The following SLC24A2 variants were observed in gnomAD, a reference collection of about 807,000 sequenced individuals.
SLC24A2 encodes the protein solute carrier family 24 member 2, also known as sodium/potassium/calcium exchanger 2.
A neutral mutation model predicts 62.0 loss-of-function variants in SLC24A2; 36 were observed. The ratio of observed to expected loss-of-function variants is 0.58; its 90% CI spans 0.44 to 0.77. The LOEUF (loss-of-function observed/expected upper bound fraction) is 0.77, where lower values mean the gene tolerates loss of function less well. Among genes scored for constraint, SLC24A2 ranks in the 30% least tolerant of loss-of-function variants. The pLI, the probability that SLC24A2 is intolerant of heterozygous loss-of-function variation, is 0.00. For missense variants in SLC24A2, 846 were observed against 817.9 expected, an observed-to-expected ratio of 1.03 and a Z score of -0.42; for synonymous variants, 358 against 294.0, an observed-to-expected ratio of 1.22 and a Z score of -2.23.
the SLC24A2 span, among the ~76,000 whole-genome samples, chr9:20,206,518 C>T: frequency 6.6e-6 from 1 of 152,086 alleles, no homozygotes; most frequent in Non-Finnish European, 1.5e-5. Flanking sequence ...GAGATGGTGT[C>T]TCGCTCTGTC....
At chr9:19,865,050 G>GA in the SLC24A2 span, among the ~76,000 whole-genome samples, 1 of 151,798 alleles carries the variant, frequency 6.6e-6, no homozygotes, top group Non-Finnish European at 1.5e-5. Flanking sequence ...TGAACAAAGT[G>GA]AAAAAGAAAA....
At chr9:19,864,013 C>T in the SLC24A2 span, among the ~76,000 whole-genome samples, 20 of 151,940 alleles carry the variant, frequency 1.3e-4, no homozygotes, top group Non-Finnish European at 1.6e-4. Context: ...AAAACTGATA[C>T]TACAGAAATT....
chr9:20,019,819 C>T, the SLC24A2 span, among the ~76,000 whole-genome samples: 2 of 151,486 alleles, frequency 1.3e-5, no homozygotes, highest in East Asian at 3.9e-4. Context: ...TGCAATCTAT[C>T]CATCTGACAG....
the SLC24A2 span, among the ~76,000 whole-genome samples, chr9:20,202,108 C>T: frequency 1.4e-5 from 2 of 147,992 alleles, no homozygotes; most frequent in Admixed American, 1.4e-4. Flanking sequence ...CACTCTAAAC[C>T]TGGGTAAGCA....
At chr9:20,212,219 A>G in the SLC24A2 span, among the ~76,000 whole-genome samples, 1 of 151,918 alleles carries the variant, frequency 6.6e-6, no homozygotes, top group African/African-American at 2.4e-5. Context: ...GCACAAGACA[A>G]AAAGTATAAT....
At chr9:20,254,835 C>G in the SLC24A2 span, among the ~76,000 whole-genome samples, 2 of 152,124 alleles carry the variant, frequency 1.3e-5, no homozygotes, top group Non-Finnish European at 2.9e-5. Context: ...TTACACATGG[C>G]TGGGGAGGCC....
intron 2 of SLC24A2, among the ~76,000 whole-genome samples, chr9:19,664,186 G>T (rs1819183121): frequency 6.6e-6 from 1 of 152,204 alleles, no homozygotes; most frequent in South Asian, 2.1e-4. Flanking sequence ...TGTATATCCT[G>T]CTATAAAGAC....
At chr9:19,829,442 T>G in the SLC24A2 span, among the ~76,000 whole-genome samples, 2 of 152,194 alleles carry the variant, frequency 1.3e-5, no homozygotes, top group African/African-American at 4.8e-5. Flanking sequence ...AATGAATGAT[T>G]TGAAAGGCAT....
the SLC24A2 span, among the ~76,000 whole-genome samples, chr9:20,244,497 A>C: frequency 6.6e-6 from 1 of 152,128 alleles, no homozygotes; most frequent in African/African-American, 2.4e-5. Flanking sequence ...CAGCCCTCAG[A>C]TCTGTCAGAT....
intron 5 of SLC24A2, among the ~76,000 whole-genome samples, chr9:19,577,984 G>A (rs188062367): frequency 2.0e-5 from 3 of 151,946 alleles, no homozygotes; most frequent in Non-Finnish European, 4.4e-5. Flanking sequence ...ATGTAACTCA[G>A]GAATGGAAAA....
the SLC24A2 span, among the ~76,000 whole-genome samples, chr9:19,832,931 G>T: frequency 5.3e-5 from 8 of 151,994 alleles, no homozygotes; most frequent in African/African-American, 1.9e-4. Context: ...GTGAGCAAAG[G>T]ATATGAACAG....
intron 7 of SLC24A2, among the ~76,000 whole-genome samples, chr9:19,572,111 CA>C (rs202225997): frequency 7.9e-4 from 112 of 142,408 alleles, no homozygotes; most frequent in Admixed American, 9.8e-4. Context: ...ACTAAAAATG[CA>C]AAAAAAAAAA....
At chr9:20,207,009 G>A in the SLC24A2 span, among the ~76,000 whole-genome samples, 2 of 152,096 alleles carry the variant, frequency 1.3e-5, no homozygotes, top group Non-Finnish European at 2.9e-5. Flanking sequence ...CCCCTCACAT[G>A]ATTAAACTCC....
chr9:19,980,459 G>T, the SLC24A2 span, among the ~76,000 whole-genome samples: 1 of 152,266 alleles, frequency 6.6e-6, no homozygotes, highest in Non-Finnish European at 1.5e-5. Context: ...TGGAAAGCTG[G>T]TAGAGTTAGA....
At chr9:20,074,810 C>G in the SLC24A2 span, among the ~76,000 whole-genome samples, 26 of 152,164 alleles carry the variant, frequency 1.7e-4, no homozygotes, top group African/African-American at 5.8e-4. Flanking sequence ...TTCTAACATT[C>G]TAAATTATAA....
At chr9:19,592,566 C>T (rs1175884742) in intron 5 of SLC24A2, among the ~76,000 whole-genome samples, 1 of 152,066 alleles carries the variant, frequency 6.6e-6, no homozygotes, top group African/African-American at 2.4e-5. Context: ...ACCTACATGT[C>T]TCTGTGAAAC....
At chr9:20,103,530 T>C in the SLC24A2 span, among the ~76,000 whole-genome samples, 1 of 152,162 alleles carries the variant, frequency 6.6e-6, no homozygotes, top group Non-Finnish European at 1.5e-5. Flanking sequence ...ACAACAGCAT[T>C]CGTGGTTTAT....
chr9:19,789,555 G>A (rs1186348751), upstream of SLC24A2, among the ~76,000 whole-genome samples: 9 of 152,214 alleles, frequency 5.9e-5, no homozygotes, highest in African/African-American at 2.2e-4. Context: ...TTCATTTCAT[G>A]GGTGATGAAA....
At chr9:19,838,693 A>G in the SLC24A2 span, among the ~76,000 whole-genome samples, 1 of 151,406 alleles carries the variant, frequency 6.6e-6, no homozygotes, top group South Asian at 2.1e-4. Context: ...CAAGTCTTTC[A>G]CCTCTTTGGT....
Sources: gnomAD v4.1 joint callset for allele counts (sites outside exome capture counted in the v4.1 genomes callset) on GRCh38, gnomAD v4.1.1 for gene constraint, MANE v1.5 for transcripts, NCBI Gene and HGNC (gene_info 2026-07-23, HGNC 2026-07-21) for gene names.